The following DIP2C variants were observed in gnomAD, a reference collection of about 807,000 sequenced individuals.
DIP2C encodes DIP2 acetate--CoA ligase C (putative).
In DIP2C, 33 loss-of-function variants were observed where a neutral mutation model predicts 192.4. The ratio of observed to expected loss-of-function variants is 0.17; its 90% CI spans 0.13 to 0.23. The LOEUF is 0.23. Among genes scored for constraint, DIP2C ranks in the 10% least tolerant of loss-of-function variants. The probability of loss-of-function intolerance (pLI) is 1.00; values close to 1 mark genes in which losing one functional copy is unlikely to be tolerated. For synonymous variants in DIP2C, 979 were observed against 864.1 expected (o/e 1.13, Z -2.33); for missense variants, 1,537 against 2,110.1 (o/e 0.73, Z 5.32).
intron 1 of DIP2C, among the ~76,000 whole-genome samples, chr10:623,891 A>T (rs1044937549): frequency 6.6e-6 from 1 of 152,200 alleles, no homozygotes; most frequent in Non-Finnish European, 1.5e-5. Context: ...GGTGGATGAA[A>T]GAGGCGGACA....
intron 7 of DIP2C, among the ~76,000 whole-genome samples, chr10:415,392 C>A (rs185111544): frequency 2.6e-5 from 4 of 152,232 alleles, no homozygotes; most frequent in African/African-American, 9.6e-5. Context: ...TAAGGAGAGG[C>A]AGCAGGAGGA....
chr10:536,844 C>A (rs1847722558), intron 1 of DIP2C, among the ~76,000 whole-genome samples: 1 of 152,216 alleles, frequency 6.6e-6, no homozygotes, highest in Non-Finnish European at 1.5e-5. Flanking sequence ...TCATCTGAAA[C>A]CATCTTCTTG....
Position 352,994 on chromosome 10 carries a change from A to C in DIP2C, c.2985+3432T>G, listed in dbSNP as rs567071592. 5.3e-5 allele frequency among the ~76,000 whole-genome samples: 8 copies of C among 152,234 alleles called. No individual in the cohort carries two copies. In the South Asian group the frequency reaches 1.2e-3, roughly 24 times the overall value. ...CTCGGCGAGTGTCCCATAAAGCAACAACCATTCACCGCAGGTGACAGTCGT... is the reference window on the plus strand; with the variant it reads ...CTCGGCGAGTGTCCCATAAAGCAACCACCATTCACCGCAGGTGACAGTCGT... On this transcript the variant is annotated intron_variant, in intron 24 of 36. Transcript: ENST00000280886.
intron 1 of DIP2C, among the ~76,000 whole-genome samples, chr10:573,006 A>G (rs1186814895): frequency 6.6e-6 from 1 of 152,160 alleles, no homozygotes; most frequent in Non-Finnish European, 1.5e-5. Flanking sequence ...GAGGCAGTAA[A>G]TAAACATGTT....
chr10:643,617 A>G (rs1056515689), intron 1 of DIP2C, among the ~76,000 whole-genome samples: 2 of 152,244 alleles, frequency 1.3e-5, no homozygotes, highest in Non-Finnish European at 2.9e-5. Context: ...CCAAGCTCAA[A>G]GAGTCATCCA....
intron 18 of DIP2C, 97 bp downstream of exon 18, chr10:369,397 C>CGGGAACGCGGGAACGT (rs762872541): frequency 2.4e-5 from 34 of 1,434,764 alleles, no homozygotes; most frequent in Admixed American, 1.3e-4. Context: ...GGGCACACCA[C>CGGGAACGCGGGAACGT]GGGAACGCGG....
rs1049878442 is a variant in DIP2C at position 573,275 on chromosome 10, G to A, written c.86-86745C>T. Among the ~76,000 whole-genome samples the A allele has an allele frequency of 2.0e-5, 3 of 152,160 alleles. No homozygotes were observed. In the South Asian group the frequency reaches 6.2e-4, roughly 32 times the overall value. ...GCCTACTTGTTCCAGACTCTAAGCA[G>A]CAATATATTGCTACAATGTAATGAA... On this transcript the variant is annotated intron_variant, in intron 1 of 36. Coordinates refer to ENST00000280886, the MANE Select transcript of DIP2C (RefSeq NM_014974.3).
chr10:667,862 A>G (rs1461599822), intron 1 of DIP2C: 1 of 152,344 alleles, frequency 6.6e-6, no homozygotes, highest in Non-Finnish European at 1.5e-5. Flanking sequence ...TACAACATAC[A>G]TGCAACTCAC....
chr10:554,952 C>G (rs1588451073), intron 1 of DIP2C, among the ~76,000 whole-genome samples: 1 of 152,118 alleles, frequency 6.6e-6, no homozygotes, highest in Middle Eastern at 3.4e-3. Flanking sequence ...TCGTCAGAGA[C>G]AGAGTCTGGG....
intron 1 of DIP2C, among the ~76,000 whole-genome samples, chr10:677,675 T>A (rs1830921283): frequency 6.6e-6 from 1 of 152,212 alleles, no homozygotes; most frequent in Non-Finnish European, 1.5e-5. Context: ...AAAGTCTGTC[T>A]CTGATTTTTT....
chr10:685,310 T>C (rs1831292674), intron 1 of DIP2C, among the ~76,000 whole-genome samples: 1 of 151,654 alleles, frequency 6.6e-6, no homozygotes, highest in Admixed American at 6.6e-5. Flanking sequence ...GAAAAAACAT[T>C]AGGCTGCACT....
intron 3 of DIP2C, among the ~76,000 whole-genome samples, chr10:462,314 A>T (rs1277796197): frequency 6.6e-6 from 1 of 152,250 alleles, no homozygotes; most frequent in Non-Finnish European, 1.5e-5. Context: ...AGAAGAATCA[A>T]ATAGACACAA....
At chr10:579,610 TACAA>T (rs1449485449) in intron 1 of DIP2C, among the ~76,000 whole-genome samples, 2 of 151,986 alleles carry the variant, frequency 1.3e-5, no homozygotes, top group East Asian at 1.9e-4. Context: ...CCAAATAGTG[TACAA>T]ACATGTGCAC....
chr10:346,789 T>C lies in DIP2C; in HGVS notation c.3232-1679A>G, dbSNP rs1206307686. 2.0e-4 allele frequency among the ~76,000 whole-genome samples: 14 copies of C among 70,180 alleles called. 4 individuals carry two copies. The highest frequency in any genetic ancestry group is 2.8e-4 in the Admixed American group (2 of 7,048). 46.0% of individuals were successfully genotyped at this position (70,180 alleles called of 152,430 possible). On this transcript the variant is annotated intron_variant, in intron 26 of 36. Coordinates refer to ENST00000280886, the MANE Select transcript of DIP2C (RefSeq NM_014974.3). The stretch of plus-strand genomic sequence containing the variant: ...GAAACGTCACACGCACCCGGACACA[T>C]CGCGCGTAGTTCTCCCGGAAACGTC...
At position 689,479 on chromosome 10, in the gene DIP2C, C is replaced by CG; in HGVS notation, c.85+14dup. ...GGTGACAGCGCGGCCCGGCCCGGGG[C>CG]GGGGGCCCGGTTACCTTCCGACAGC... On this transcript the variant is annotated intron_variant, in intron 1 of 36. Transcript: ENST00000280886. This position sits in a 1 kb window ranked among gnomAD's most constrained non-coding sequence, Gnocchi z 6.1. 1 of 1,194,412 alleles carries CG rather than the reference C, an allele frequency of 8.4e-7. No individual in the cohort carries two copies. The highest frequency in any genetic ancestry group is 1.1e-6 in the Non-Finnish European group (1 of 949,534). The allele number at this position is 1,194,412 out of a possible 1,614,324, so 74.0% of individuals were successfully genotyped here.
At chr10:662,486 G>A (rs1320328720) in intron 1 of DIP2C, among the ~76,000 whole-genome samples, 1 of 152,184 alleles carries the variant, frequency 6.6e-6, no homozygotes, top group East Asian at 1.9e-4. Flanking sequence ...TGGGCCCCGC[G>A]AGCTGAACGC....
At chr10:681,154 A>G (rs1310441845) in intron 1 of DIP2C, among the ~76,000 whole-genome samples, 6 of 152,064 alleles carry the variant, frequency 3.9e-5, no homozygotes, top group Non-Finnish European at 8.8e-5. Flanking sequence ...TGGTGCAGCC[A>G]CCACCTGTGG....
intron 1 of DIP2C, among the ~76,000 whole-genome samples, chr10:576,749 A>C (rs1388710087): frequency 6.6e-6 from 1 of 152,122 alleles, no homozygotes; most frequent in African/African-American, 2.4e-5. Flanking sequence ...CTCGACTAAA[A>C]ATAAAAAATT....
chr10:650,079 G>A (rs1413060993), intron 1 of DIP2C: 2 of 714,984 alleles, frequency 2.8e-6, no homozygotes, highest in Admixed American at 2.0e-5. Context: ...CCAGTTCCAG[G>A]AGAGAAAATA....
Sources: allele counts gnomAD v4.1 joint callset (sites outside exome capture counted in the v4.1 genomes callset), GRCh38; gene constraint gnomAD v4.1.1; non-coding constraint Gnocchi (gnomAD v3.1); transcripts MANE v1.5; gene names NCBI Gene and HGNC (gene_info 2026-07-23, HGNC 2026-07-21).